Variants in ANKFN1 observed in about 807,000 individuals in gnomAD.
The protein encoded by ANKFN1 is ankyrin repeat and fibronectin type-III domain-containing protein 1.
Under a neutral mutation model 108.7 loss-of-function variants are expected in ANKFN1, and 74 were observed. That is an observed-to-expected ratio of 0.68 (90% CI 0.56 to 0.83). ANKFN1 has a LOEUF of 0.83. Among genes scored for constraint, ANKFN1 ranks in the 40% least tolerant of loss-of-function variants. The pLI, the probability that ANKFN1 is intolerant of heterozygous loss-of-function variation, is 0.00. For missense variants in ANKFN1, 1,505 were observed against 1,382.3 expected (o/e 1.09, Z -1.41); for synonymous variants, 547 against 516.2 (o/e 1.06, Z -0.81).
intron 3 of ANKFN1, among the ~76,000 whole-genome samples, chr17:56,238,754 T>G (rs1404802633): frequency 2.0e-5 from 3 of 152,146 alleles, no homozygotes; most frequent in African/African-American, 7.2e-5. Flanking sequence ...ACTGTAAGTT[T>G]GAATAATTTA....
chr17:56,400,619 T>A (rs1007936298), intron 8 of ANKFN1, among the ~76,000 whole-genome samples: 3 of 152,222 alleles, frequency 2.0e-5, no homozygotes, highest in African/African-American at 7.2e-5. Flanking sequence ...TATCTTTGTT[T>A]TTATTGCATT....
chr17:56,362,464 C>A (rs2046547525), intron 6 of ANKFN1, among the ~76,000 whole-genome samples: 1 of 152,172 alleles, frequency 6.6e-6, no homozygotes, highest in South Asian at 2.1e-4. Context: ...CGGTAAACTG[C>A]TTTTCAACAA....
chr17:56,055,184 C>G (rs979442420), intron 4 of ANKFN1, among the ~76,000 whole-genome samples: 1 of 151,836 alleles, frequency 6.6e-6, no homozygotes, highest in South Asian at 2.1e-4. Flanking sequence ...AAACATTGTA[C>G]CTGATAGGTA....
intron 4 of ANKFN1, among the ~76,000 whole-genome samples, chr17:56,331,820 T>G (rs1336341842): frequency 1.3e-5 from 2 of 152,150 alleles, no homozygotes; most frequent in Non-Finnish European, 2.9e-5. Context: ...AATTATCTAT[T>G]GGGTATTGGG....
intron 1 of ANKFN1, among the ~76,000 whole-genome samples, chr17:56,190,596 G>A (rs1180693848): frequency 9.3e-6 from 1 of 107,448 alleles, no homozygotes; most frequent in Non-Finnish European, 1.8e-5. Flanking sequence ...TATAATTTCT[G>A]TTCTTTTACA....
intron 1 of ANKFN1, chr17:56,174,503 C>T: frequency 1.3e-6 from 1 of 797,884 alleles, no homozygotes; most frequent in Non-Finnish European, 1.5e-6. Flanking sequence ...TCCATGGAGT[C>T]TCTCTGTGCC....
chr17:56,253,418 A>C (rs1186638173), intron 3 of ANKFN1, among the ~76,000 whole-genome samples: 1 of 152,188 alleles, frequency 6.6e-6, no homozygotes, highest in Non-Finnish European at 1.5e-5. Flanking sequence ...GTGGGTGTAC[A>C]ATGCCCAGGA....
chr17:56,408,925 A>T (rs981501249), intron 8 of ANKFN1, among the ~76,000 whole-genome samples: 2 of 143,094 alleles, frequency 1.4e-5, no homozygotes, highest in South Asian at 2.2e-4. Context: ...TGCTTTTAAG[A>T]TTTTTTTTTT....
intron 3 of ANKFN1, among the ~76,000 whole-genome samples, chr17:56,276,982 G>A (rs2059733087): frequency 6.6e-6 from 1 of 152,104 alleles, no homozygotes; most frequent in African/African-American, 2.4e-5. Flanking sequence ...TTAAGGGAAA[G>A]GAGGCTTCTT....
intron 16 of ANKFN1, among the ~76,000 whole-genome samples, chr17:56,479,869 T>A (rs9912206): frequency 6.6e-6 from 1 of 152,172 alleles, no homozygotes; most frequent in South Asian, 2.1e-4. Context: ...GCCAACTGAA[T>A]GTGTTTAGAG....
chr17:56,356,636 CTT>C (rs2046384353), intron 6 of ANKFN1, among the ~76,000 whole-genome samples: 2 of 152,148 alleles, frequency 1.3e-5, no homozygotes, highest in African/African-American at 2.4e-5. Context: ...AGTGCTGCCC[CTT>C]TTTAGTGGAA....
At chr17:56,174,974 T>A (rs1598181029) in intron 1 of ANKFN1, among the ~76,000 whole-genome samples, 1 of 152,078 alleles carries the variant, frequency 6.6e-6, no homozygotes, top group East Asian at 1.9e-4. Flanking sequence ...GTTAATTATC[T>A]CTCTCTGTGC....
intron 4 of ANKFN1, among the ~76,000 whole-genome samples, chr17:56,336,715 C>T (rs560892325): frequency 1.5e-3 from 223 of 152,140 alleles, no homozygotes; most frequent in African/African-American, 5.0e-3. Flanking sequence ...GTGTCTCTAT[C>T]TCCTTCAGTT....
intron 8 of ANKFN1, among the ~76,000 whole-genome samples, chr17:56,398,431 C>G (rs1483334178): frequency 6.6e-6 from 1 of 152,124 alleles, no homozygotes; most frequent in Non-Finnish European, 1.5e-5. Flanking sequence ...ACTATATGAC[C>G]TTGAGTACAA....
chr17:56,119,485 T>C (rs1906478956), intron 4 of ANKFN1, among the ~76,000 whole-genome samples: 1 of 151,986 alleles, frequency 6.6e-6, no homozygotes. Context: ...CAGTAGAACA[T>C]GATGGAATGG....
In ANKFN1 at chr17:56,449,184, G is replaced by A. The variant is rs7224861; in HGVS notation, c.1205G>A (p.Arg402Gln). 3,327 of 1,612,564 alleles carry A rather than the reference G, an allele frequency of 2.1e-3. 12 individuals are homozygous for A. The highest frequency in any genetic ancestry group is 7.1e-3 in the South Asian group (649 of 90,976). ...GCCCTTCATCAGCATTACAGTTGCC[G>A]GGGTAAGGATAAAAATCTGTGCTGG... Reference protein sequence around the residue: ...VRALHQHYSCRESTKLQTTGR... With the variant: ...VRALHQHYSCQESTKLQTTGR... The change falls in exon 11 of 21, where the codon CGG becomes CAG. Residue 402 changes from arginine (R) to glutamine (Q), a missense_variant and splice_region_variant. Transcript: ENST00000682825.
rs562757664 is a variant in ANKFN1, at chr17:56,395,211, G to A, written c.910+20497G>A. Among the ~76,000 whole-genome samples, 11 of 152,302 alleles carry A rather than the reference G, an allele frequency of 7.2e-5. No homozygotes were observed. In the South Asian group the frequency reaches 8.3e-4, roughly 11 times the overall value. The stretch of plus-strand genomic sequence containing the variant: ...AAGGGATTATTTACAGAGAGGTGAC[G>A]AGGGTTCATGAAAGGACAAGGGATT... On this transcript the variant is annotated intron_variant, in intron 8 of 20. Coordinates refer to ENST00000682825, the MANE Select transcript of ANKFN1 (RefSeq NM_001370326.1).
chr17:56,506,087 A>C (rs1490504233), intron 20 of ANKFN1, among the ~76,000 whole-genome samples: 3 of 152,062 alleles, frequency 2.0e-5, no homozygotes, highest in Non-Finnish European at 2.9e-5. Context: ...TTATACTTTA[A>C]GTTCTAGGGT....
chr17:56,162,459 G>A (rs1369438733), intron 1 of ANKFN1, among the ~76,000 whole-genome samples: 1 of 152,190 alleles, frequency 6.6e-6, no homozygotes, highest in Non-Finnish European at 1.5e-5. Context: ...GGGTCTTCGT[G>A]TGGTCCTTCT....
Sources: allele counts gnomAD v4.1 joint callset (sites outside exome capture counted in the v4.1 genomes callset), GRCh38; gene constraint gnomAD v4.1.1; transcripts MANE v1.5; gene names NCBI Gene and HGNC (gene_info 2026-07-23, HGNC 2026-07-21).